Variants in NXN observed in about 807,000 individuals in gnomAD.
The protein encoded by NXN is nucleoredoxin.
In NXN, 16 loss-of-function variants were observed where a neutral mutation model predicts 48.6. The ratio of observed to expected loss-of-function variants is 0.33; its 90% CI spans 0.22 to 0.50. The LOEUF is 0.50. NXN is among the 20% of genes least tolerant of loss of function. NXN has a pLI of 0.98. For missense variants in NXN, 492 were observed against 605.5 expected, an observed-to-expected ratio of 0.81 and a Z score of 1.97; for synonymous variants, 281 against 269.6, an observed-to-expected ratio of 1.04 and a Z score of -0.41.
chr17:831,299 A>T (rs1913453798), intron 1 of NXN, among the ~76,000 whole-genome samples: 1 of 147,140 alleles, frequency 6.8e-6, no homozygotes, highest in African/African-American at 2.5e-5. Context: ...GTTCTCCATT[A>T]AAAAAAAAAC....
At chr17:895,176 C>A (rs62068449) in intron 1 of NXN, among the ~76,000 whole-genome samples, 5,994 of 151,718 alleles carry the variant, frequency 0.04, 198 homozygotes, top group South Asian at 0.11. Context: ...ACCACCACGC[C>A]CAGCTAATTT....
At chr17:841,010 G>C (rs1353944972) in intron 1 of NXN, among the ~76,000 whole-genome samples, 1 of 152,202 alleles carries the variant, frequency 6.6e-6, no homozygotes, top group Non-Finnish European at 1.5e-5. Flanking sequence ...GCCGGCACAG[G>C]AGCAGATGGC....
At chr17:870,686 C>T (rs1281815192) in intron 1 of NXN, among the ~76,000 whole-genome samples, 1 of 150,856 alleles carries the variant, frequency 6.6e-6, no homozygotes, top group African/African-American at 2.4e-5. Flanking sequence ...GCCTGGAAGG[C>T]GGAGGTGCCA....
At chr17:911,039 A>G (rs2068630865) in intron 1 of NXN, 2 of 152,048 alleles carry the variant, frequency 1.3e-5, no homozygotes, top group African/African-American at 4.8e-5. Context: ...CACTCTGCCA[A>G]TAGTGTGTCC....
chr17:855,336 T>C (rs1170911054), intron 1 of NXN, among the ~76,000 whole-genome samples: 1 of 152,162 alleles, frequency 6.6e-6, no homozygotes, highest in Non-Finnish European at 1.5e-5. Flanking sequence ...AGGCAGCCTT[T>C]GAATCCCCCG....
chr17:911,691 C>T (rs2068638324), intron 1 of NXN, among the ~76,000 whole-genome samples: 2 of 151,758 alleles, frequency 1.3e-5, no homozygotes, highest in South Asian at 2.1e-4. Context: ...TGGTCTTGAT[C>T]TCCTGACCTC....
Position 975,039 on chromosome 17 carries a change from G to T in NXN, c.360+4280C>A, listed in dbSNP as rs146292257. Among the ~76,000 whole-genome samples, 313 of 152,102 alleles carry T rather than the reference G, an allele frequency of 2.1e-3. 5 individuals carry two copies. The highest frequency in any genetic ancestry group is 7.5e-3 in the African/African-American group (310 of 41,474). On this transcript the variant is annotated intron_variant, in intron 1 of 7. Transcript: ENST00000336868. Reference sequence around the variant, plus strand: ...AATGTTTCACCATGTTGCCCAGGCTGGTCTCAAACTCCTAGGCTCAAGTGA... The same window carrying T: ...AATGTTTCACCATGTTGCCCAGGCTTGTCTCAAACTCCTAGGCTCAAGTGA...
chr17:850,084 T>G (rs1027260076), intron 1 of NXN, among the ~76,000 whole-genome samples: 23 of 146,998 alleles, frequency 1.6e-4, no homozygotes, highest in African/African-American at 5.7e-4. Flanking sequence ...AAACAACTCC[T>G]AACTAAGACA....
At chr17:827,345 G>A (rs949366888) in intron 1 of NXN, among the ~76,000 whole-genome samples, 2 of 151,720 alleles carry the variant, frequency 1.3e-5, no homozygotes, top group East Asian at 1.9e-4. Flanking sequence ...GGACGTGGCC[G>A]GGTGCGGTGG....
chr17:870,334 C>A (rs993979792), intron 1 of NXN, among the ~76,000 whole-genome samples: 2 of 152,108 alleles, frequency 1.3e-5, no homozygotes, highest in African/African-American at 4.8e-5. Context: ...GGGCAAGCAC[C>A]TTGAAGGTAC....
chr17:896,146 C>T (rs28408487), intron 1 of NXN, among the ~76,000 whole-genome samples: 26,489 of 151,710 alleles, frequency 0.17, 2,450 homozygotes, highest in Middle Eastern at 0.35. Context: ...TCGAGACCAG[C>T]CTGACAACAT....
intron 1 of NXN, among the ~76,000 whole-genome samples, chr17:977,275 C>T (rs943185245): frequency 1.3e-5 from 2 of 152,058 alleles, no homozygotes; most frequent in Non-Finnish European, 2.9e-5. Flanking sequence ...AAACTCTGGG[C>T]CAAAAAATAA....
rs184776733 is a variant in NXN, at chr17:974,995, T to G, written c.360+4324A>C. 3.3e-4 allele frequency among the ~76,000 whole-genome samples: 50 copies of G among 152,094 alleles called. 1 individual carries two copies. The highest frequency in any genetic ancestry group is 9.9e-4 in the African/African-American group (41 of 41,474). On this transcript the variant is annotated intron_variant, in intron 1 of 7. Transcript: ENST00000336868. ...GTACCCACCACTGTGACCAGCTAATTGTTATTTTTTGCAAAGACAATGTTT... is the reference window on the plus strand; with the variant it reads ...GTACCCACCACTGTGACCAGCTAATGGTTATTTTTTGCAAAGACAATGTTT...
chr17:900,548 G>A (rs928244680), intron 1 of NXN, among the ~76,000 whole-genome samples: 1 of 152,166 alleles, frequency 6.6e-6, no homozygotes, highest in Non-Finnish European at 1.5e-5. Flanking sequence ...CATGGCATCA[G>A]GATCCTCCCA....
intron 1 of NXN, among the ~76,000 whole-genome samples, chr17:861,857 TC>T (rs1466275142): frequency 6.8e-6 from 1 of 147,014 alleles, no homozygotes; most frequent in Non-Finnish European, 1.5e-5. Flanking sequence ...ATTGAGACAG[TC>T]TTGCTCTGTC....
Position 979,598 on chromosome 17 carries a change from G to A in NXN, c.81C>T (p.Gly27=), listed in dbSNP as rs1157321539. ...GGEEVDVHSL[G]ARGISLLGLY... ...GACCCAGCAGCGAGATGCCGCGGGC[G>A]CCCAGCGAGTGCACGTCCACCTCCT... The change falls in exon 1 of 8, where the codon GGC becomes GGT. Residue 27 remains glycine (G), a synonymous_variant. Transcript: ENST00000336868. The A allele has an allele frequency of 1.7e-5, 24 of 1,449,994 alleles. No homozygotes were observed. The highest frequency in any genetic ancestry group is 2.3e-5 in the Admixed American group (1 of 42,888). The allele number at this position is 1,449,994 out of a possible 1,614,324, so 89.8% of individuals were successfully genotyped here. A position where few individuals can be genotyped will look rare whatever the true frequency, so the allele number is the denominator to read the frequency against.
At chr17:911,022 T>C (rs1195689960) in intron 1 of NXN, 1 of 152,164 alleles carries the variant, frequency 6.6e-6, no homozygotes, top group Non-Finnish European at 1.5e-5. Flanking sequence ...TTTTTGCTGA[T>C]TAACTCCACT....
In NXN at chr17:864,155, G is replaced by A. The variant is rs2644711; in HGVS notation, c.361-38077C>T. 69,337 of 828,756 alleles carry A rather than the reference G, an allele frequency of 0.084. 637 individuals carry two copies. Among genetic ancestry groups the A allele is most frequent in the African/African-American group, 0.22 (4,029 of 18,478 alleles). 51.3% of individuals were successfully genotyped at this position (828,756 alleles called of 1,614,324 possible). A position where few individuals can be genotyped will look rare whatever the true frequency, so the allele number is the denominator to read the frequency against. On this transcript the variant is annotated intron_variant, in intron 1 of 7. Coordinates refer to ENST00000336868, the MANE Select transcript of NXN (RefSeq NM_022463.5). ...TGAAGGGGCACGTTCACCGTTGCTC[G>A]GTTCCGGTGAAGGGACGCGTCTGCC...
At chr17:972,367 C>T (rs1011497209) in intron 1 of NXN, among the ~76,000 whole-genome samples, 2 of 152,118 alleles carry the variant, frequency 1.3e-5, no homozygotes, top group South Asian at 4.2e-4. Context: ...ATCCCAGCTA[C>T]TCGGGAGGCT....
Sources: gnomAD v4.1 joint callset for allele counts (sites outside exome capture counted in the v4.1 genomes callset) on GRCh38, gnomAD v4.1.1 for gene constraint, MANE v1.5 for transcripts, NCBI Gene and HGNC (gene_info 2026-07-23, HGNC 2026-07-21) for gene names.